The following ATAD2 variants were observed in gnomAD, a reference collection of about 807,000 sequenced individuals.
ATAD2 encodes ATPase family AAA domain-containing protein 2.
A neutral mutation model predicts 168.9 loss-of-function variants in ATAD2; 62 were observed. The observed-to-expected ratio is 0.37, with a 90% CI of 0.30 to 0.45. The LOEUF (loss-of-function observed/expected upper bound fraction) is 0.45. ATAD2 is among the 20% of genes least tolerant of loss of function. The probability of loss-of-function intolerance (pLI) is 1.00; values close to 1 mark genes in which losing one functional copy is unlikely to be tolerated. For synonymous variants in ATAD2, 613 were observed against 571.6 expected (o/e 1.07, Z -1.03); for missense variants, 1,419 against 1,667.8 (o/e 0.85, Z 2.60).
intron 6 of ATAD2, among the ~76,000 whole-genome samples, chr8:123,370,241 CAAGG>C (rs1216289226): frequency 2.0e-5 from 3 of 150,422 alleles, no homozygotes; most frequent in Admixed American, 2.0e-4. Flanking sequence ...CAGAAAAACA[CAAGG>C]AAGGAAAAAA....
chr8:123,415,512 T>C (rs1813245584), intron 1 of ATAD2, among the ~76,000 whole-genome samples: 1 of 152,224 alleles, frequency 6.6e-6, no homozygotes, highest in Non-Finnish European at 1.5e-5. Context: ...ATTGCAAATA[T>C]AAACAATTCA....
upstream of ATAD2, among the ~76,000 whole-genome samples, chr8:123,398,405 A>G (rs1444564066): frequency 6.7e-6 from 1 of 149,832 alleles, no homozygotes; most frequent in Non-Finnish European, 1.5e-5. Context: ...TAATTTTTGT[A>G]TTTTTAGTAG....
chr8:123,399,674 G>A (rs1417662114), upstream of ATAD2, among the ~76,000 whole-genome samples: 2 of 151,502 alleles, frequency 1.3e-5, no homozygotes, highest in Non-Finnish European at 2.9e-5. Flanking sequence ...GACCAACATG[G>A]AGAAACCCCA....
chr8:123,332,495 CAT>C (rs1228638970), intron 24 of ATAD2, among the ~76,000 whole-genome samples: 2 of 152,104 alleles, frequency 1.3e-5, no homozygotes, highest in African/African-American at 2.4e-5. Flanking sequence ...TGACTTCATA[CAT>C]ATATAAAAAT....
intron 2 of ATAD2, among the ~76,000 whole-genome samples, chr8:123,375,935 G>A (rs561967656): frequency 2.0e-4 from 30 of 152,186 alleles, no homozygotes; most frequent in African/African-American, 5.5e-4. Context: ...GTGAGACCCC[G>A]TCTCTACTAA....
intron 19 of ATAD2, among the ~76,000 whole-genome samples, chr8:123,344,344 C>CTTTTT (rs764379399): frequency 3.2e-5 from 4 of 125,862 alleles, no homozygotes; most frequent in Admixed American, 8.0e-5. Context: ...TTTTTAAATA[C>CTTTTT]TTTTTTTTTT....
At chr8:123,364,922 C>T (rs960017993) in intron 8 of ATAD2, among the ~76,000 whole-genome samples, 1 of 152,088 alleles carries the variant, frequency 6.6e-6, no homozygotes, top group Non-Finnish European at 1.5e-5. Flanking sequence ...GAAGTCCTAG[C>T]CACAGCAATC....
Position 123,323,052 on chromosome 8 carries a change from A to G in ATAD2, c.4017T>C (p.Thr1339=). ...TGTAGTTTTGACTTTTTTTAACAAC[A>G]GTCTTCAAAAGATTCTAAAAGAAAA... ...DHERLKNLLK[T]VVKKSQNYNI... Residue 1339 remains threonine (T), a synonymous_variant, in exon 27 of 28, where the codon ACT becomes ACC. Transcript: ENST00000287394. 2 of 1,610,442 alleles carry G rather than the reference A, an allele frequency of 1.2e-6. No homozygotes were observed. The highest frequency in any genetic ancestry group is 1.7e-6 in the Non-Finnish European group (2 of 1,177,892).
chr8:123,355,475 A>G (rs1828612423), intron 13 of ATAD2, among the ~76,000 whole-genome samples: 1 of 152,218 alleles, frequency 6.6e-6, no homozygotes, highest in South Asian at 2.1e-4. Flanking sequence ...TAGCACTTGT[A>G]AAAGTGCTCC....
chr8:123,345,993 A>G, intron 18 of ATAD2, 93 bp downstream of exon 18: 2 of 1,045,758 alleles, frequency 1.9e-6, no homozygotes, highest in Non-Finnish European at 2.6e-6. Context: ...ACAAATCAGA[A>G]AGACAAAAAA....
chr8:123,364,208 T>C (rs1157033082), intron 8 of ATAD2, among the ~76,000 whole-genome samples: 1 of 152,038 alleles, frequency 6.6e-6, no homozygotes, highest in Non-Finnish European at 1.5e-5. Flanking sequence ...CTATCCTCAC[T>C]TTACAGATAA....
At position 123,320,486 on chromosome 8, in the gene ATAD2, C is replaced by T. The variant is rs1426864149; in HGVS notation, c.*648G>A. The T allele has an allele frequency of 6.6e-6, 1 of 151,998 alleles. No homozygotes were observed. 9.4% of individuals were successfully genotyped at this position (151,998 alleles called of 1,614,324 possible). A position where few individuals can be genotyped will look rare whatever the true frequency, so the allele number is the denominator to read the frequency against. On this transcript the variant is annotated 3_prime_UTR_variant, in exon 28 of 28. Transcript: ENST00000287394. ...AATACATTTGTTGTGTATATAATTACAAAAGTAAACCAAGAAATATTTAAA... is the reference window on the plus strand; with the variant it reads ...AATACATTTGTTGTGTATATAATTATAAAAGTAAACCAAGAAATATTTAAA...
Position 123,356,382 on chromosome 8 carries a change from G to T in ATAD2, c.1646+7C>A. ...GAAACGTTGAAGTGCCATCAAGCAA[G>T]TTTTACCTGTGAATCTGATCTTGCC... On this transcript the variant is annotated splice_region_variant and intron_variant, in intron 13 of 27. Coordinates refer to ENST00000287394, the MANE Select transcript of ATAD2 (RefSeq NM_014109.4). The T allele has an allele frequency of 1.2e-6, 2 of 1,606,400 alleles. No individual in the cohort carries two copies. The highest frequency in any genetic ancestry group is 1.7e-6 in the Non-Finnish European group (2 of 1,174,626).
intron 26 of ATAD2, among the ~76,000 whole-genome samples, chr8:123,323,843 G>A (rs1280797147): frequency 6.6e-6 from 1 of 152,062 alleles, no homozygotes; most frequent in Admixed American, 6.6e-5. Context: ...TGGATATATG[G>A]TACTATTACA....
At chr8:123,328,042 G>A (rs968780665) in intron 25 of ATAD2, 148 bp downstream of exon 25, 39 of 617,660 alleles carry the variant, frequency 6.3e-5, no homozygotes, top group Non-Finnish European at 8.9e-5. Context: ...TAGCTCAATA[G>A]TAAAGATAAT....
chr8:123,325,890 T>C lies in ATAD2; in HGVS notation c.4002+3A>G. 2 of 1,613,704 alleles carry C rather than the reference T, an allele frequency of 1.2e-6. No homozygotes were observed. Among genetic ancestry groups the C allele is most frequent in the South Asian group, 2.2e-5 (2 of 90,946 alleles). On this transcript the variant is annotated splice_donor_region_variant and intron_variant, in intron 26 of 27. Coordinates refer to ENST00000287394, the MANE Select transcript of ATAD2 (RefSeq NM_014109.4). ...AAAAGCATTATGATTTCAATTTACA[T>C]ACTTTTAATCGCTCATGATCCACAA... is the stretch of plus-strand genomic sequence containing the variant.
intron 26 of ATAD2, among the ~76,000 whole-genome samples, chr8:123,325,099 CTT>C (rs761145398): frequency 0.039 from 4,466 of 114,794 alleles, 159 homozygotes; most frequent in African/African-American, 0.14. Flanking sequence ...AGTAATAATT[CTT>C]TTTTTTTTTT....
intron 1 of ATAD2, among the ~76,000 whole-genome samples, chr8:123,414,826 A>T (rs569317710): frequency 6.6e-6 from 1 of 152,222 alleles, no homozygotes; most frequent in African/African-American, 2.4e-5. Flanking sequence ...GGCAGACTCC[A>T]CAAGGATGTT....
At chr8:123,321,268 A>G (rs1410332153) in intron 27 of ATAD2, 93 bp from the exon 28 acceptor site, 8 of 1,067,614 alleles carry the variant, frequency 7.5e-6, no homozygotes, top group African/African-American at 1.6e-5. Context: ...AACCTTAAGA[A>G]TATTAATATT....
Sources: allele counts gnomAD v4.1 joint callset (sites outside exome capture counted in the v4.1 genomes callset), GRCh38; gene constraint gnomAD v4.1.1; transcripts MANE v1.5; gene names NCBI Gene and HGNC (gene_info 2026-07-23, HGNC 2026-07-21).